YTHDC2: variants seen among roughly 807,000 people sequenced by gnomAD.
The protein encoded by YTHDC2 is YTH N6-methyladenosine RNA binding protein C2, also known as 3'-5' RNA helicase YTHDC2.
YTHDC2 carries 45 observed loss-of-function variants against 174.9 expected under a neutral mutation model. The ratio of observed to expected loss-of-function variants is 0.26; its 90% confidence interval spans 0.20 to 0.33. The LOEUF is 0.33. YTHDC2 is among the 10% of genes least tolerant of loss of function. YTHDC2 has a pLI of 1.00. For synonymous variants in YTHDC2, 657 were observed against 574.5 expected (o/e 1.14, Z -2.05); for missense variants, 1,650 against 1,723.7 (o/e 0.96, Z 0.76).
chr5:113,541,613 A>G (rs986849506), intron 9 of YTHDC2, among the ~76,000 whole-genome samples: 2 of 152,018 alleles, frequency 1.3e-5, no homozygotes, highest in Non-Finnish European at 2.9e-5. Context: ...TTTTTTGAGC[A>G]TGTGATAGTA....
rs201743094 is a variant in YTHDC2 at position 113,553,600 on chromosome 5, A to G, written c.1878A>G (p.Leu626=). 2.1e-4 allele frequency: 346 copies of G among 1,613,308 alleles called. 1 individual carries two copies. Among genetic ancestry groups the G allele is most frequent in the Admixed American group, 6.3e-4 (38 of 59,938 alleles). Reference sequence around the variant, plus strand: ...TCATTCTTCTCCAAGGTGCAGTACTAATTTTTCTGCCTGGATATGACGAAA... The same window carrying G: ...TCATTCTTCTCCAAGGTGCAGTACTGATTTTTCTGCCTGGATATGACGAAA... ...ICHSCDAGAV[L]IFLPGYDEIV... Residue 626 remains leucine, a synonymous_variant, in exon 14 of 30, where the codon CTA becomes CTG. Transcript: ENST00000161863.
chr5:113,579,558 A>ATT, intron 23 of YTHDC2, 28 bp from the exon 24 acceptor site: 4 of 1,509,748 alleles, frequency 2.6e-6, no homozygotes, highest in Admixed American at 2.0e-5. Context: ...GGTAAAAGTG[A>ATT]TTTTTTTTTC....
At chr5:113,551,383 A>C (rs1325714555) in intron 12 of YTHDC2, among the ~76,000 whole-genome samples, 1 of 152,116 alleles carries the variant, frequency 6.6e-6, no homozygotes, top group African/African-American at 2.4e-5. Context: ...TATCAATTAT[A>C]AATTTCAGGT....
At chr5:113,575,540 C>T (rs548284963) in intron 23 of YTHDC2, among the ~76,000 whole-genome samples, 1 of 152,198 alleles carries the variant, frequency 6.6e-6, no homozygotes, top group East Asian at 1.9e-4. Context: ...CAGAAATGTG[C>T]TGCAGGTAGA....
At chr5:113,577,630 A>G (rs540227049) in intron 23 of YTHDC2, among the ~76,000 whole-genome samples, 1 of 152,334 alleles carries the variant, frequency 6.6e-6, no homozygotes, top group South Asian at 2.1e-4. Context: ...TCGGTCTCCC[A>G]AAGTGTTGGG....
chr5:113,538,490 C>G (rs953715294), intron 7 of YTHDC2, among the ~76,000 whole-genome samples: 1 of 152,148 alleles, frequency 6.6e-6, no homozygotes, highest in African/African-American at 2.4e-5. Context: ...CCTTGAAACA[C>G]CTTTAGGTCC....
intron 23 of YTHDC2, among the ~76,000 whole-genome samples, chr5:113,570,185 C>T (rs891338779): frequency 2.6e-5 from 4 of 152,118 alleles, no homozygotes; most frequent in African/African-American, 9.7e-5. Context: ...TAACCTCCGC[C>T]TCCTGGGTTC....
chr5:113,544,992 T>A (rs1775757193), intron 10 of YTHDC2, among the ~76,000 whole-genome samples: 2 of 152,224 alleles, frequency 1.3e-5, no homozygotes, highest in South Asian at 4.1e-4. Flanking sequence ...TATTTAATCA[T>A]CATGTACTTG....
At position 113,584,394 on chromosome 5, in the gene YTHDC2, G is replaced by T; in HGVS notation, c.3740G>T (p.Arg1247Leu). The part of the protein sequence containing the change: ...ILHPKRGTED[R>L]SDQSSLKSTD... Reference sequence around the variant, plus strand: ...CATCCTAAACGAGGTACTGAGGACCGATCAGATCAGTCTTCTCTGAAATCT... The same window carrying T: ...CATCCTAAACGAGGTACTGAGGACCTATCAGATCAGTCTTCTCTGAAATCT... The change falls in exon 26 of 30, where the codon CGA becomes CTA. Residue 1247 changes from arginine to leucine, a missense_variant. Arg to Leu is a moderately radical substitution (Grantham distance 102, BLOSUM62 -2). Coordinates refer to ENST00000161863, the MANE Select transcript of YTHDC2 (RefSeq NM_022828.5). 6.2e-7 allele frequency: 1 copy of T among 1,613,810 alleles called. No homozygotes were observed.
intron 22 of YTHDC2, 79 bp from the exon 23 acceptor site, chr5:113,567,575 A>G (rs560808281): frequency 4.9e-6 from 6 of 1,235,400 alleles, no homozygotes; most frequent in Non-Finnish European, 6.7e-6. Context: ...TCATTGAGAG[A>G]CTTTACATTT....
chr5:113,578,237 G>A (rs10440762), intron 23 of YTHDC2, among the ~76,000 whole-genome samples: 19,919 of 151,804 alleles, frequency 0.13, 2,416 homozygotes, highest in African/African-American at 0.32. Flanking sequence ...CTGTTATTCC[G>A]GATGTAGTGC....
At chr5:113,517,688 TTCTC>T (rs1289787052) in intron 2 of YTHDC2, 4 of 403,530 alleles carry the variant, frequency 9.9e-6, no homozygotes, top group African/African-American at 8.4e-5. Flanking sequence ...CCCTAGCTCC[TTCTC>T]TCTTTTTTTC....
At chr5:113,537,656 T>C (rs375047505) in intron 7 of YTHDC2, among the ~76,000 whole-genome samples, 3 of 151,982 alleles carry the variant, frequency 2.0e-5, no homozygotes, top group Non-Finnish European at 4.4e-5. Context: ...ATAGTTTTCC[T>C]GGAAGCTCTC....
intron 23 of YTHDC2, among the ~76,000 whole-genome samples, chr5:113,572,747 A>G (rs2112758528): frequency 6.6e-6 from 1 of 152,122 alleles, no homozygotes; most frequent in South Asian, 2.1e-4. Flanking sequence ...TTATGGTTTA[A>G]AGTCTGTTTT....
intron 17 of YTHDC2, among the ~76,000 whole-genome samples, chr5:113,558,974 G>C (rs897131010): frequency 6.6e-6 from 1 of 150,938 alleles, no homozygotes; most frequent in Non-Finnish European, 1.5e-5. Context: ...AGTTTCTCAA[G>C]TATAGGCCTA....
At chr5:113,568,933 C>A (rs1777536147) in intron 23 of YTHDC2, among the ~76,000 whole-genome samples, 1 of 152,144 alleles carries the variant, frequency 6.6e-6, no homozygotes. Context: ...AATCACCATG[C>A]TGTCTCCCAT....
At chr5:113,583,114 A>G (rs1241285159) in intron 25 of YTHDC2, 2 of 152,214 alleles carry the variant, frequency 1.3e-5, no homozygotes, top group South Asian at 2.1e-4. Context: ...ATACTAATAT[A>G]TAATGCATGA....
chr5:113,532,857 GT>G (rs1561636481), intron 4 of YTHDC2, 21 bp from the exon 5 acceptor site: 2 of 1,592,678 alleles, frequency 1.3e-6, no homozygotes, highest in African/African-American at 2.7e-5. Context: ...TCATCTTACA[GT>G]TTTTAAAACT....
intron 2 of YTHDC2, among the ~76,000 whole-genome samples, chr5:113,523,672 A>G (rs1261464685): frequency 6.6e-6 from 1 of 152,140 alleles, no homozygotes; most frequent in Non-Finnish European, 1.5e-5. Flanking sequence ...TCATTGAAAT[A>G]TTCAATAAGG....
Sources: allele counts gnomAD v4.1 joint callset (sites outside exome capture counted in the v4.1 genomes callset), GRCh38; gene constraint gnomAD v4.1.1; transcripts MANE v1.5; gene names NCBI Gene and HGNC (gene_info 2026-07-23, HGNC 2026-07-21).